The following BRWD3 variants were observed in gnomAD, a reference collection of about 807,000 sequenced individuals.
BRWD3 encodes the protein bromodomain and WD repeat domain containing 3.
BRWD3 carries 10 observed loss-of-function variants against 149.7 expected under a neutral mutation model. The observed-to-expected ratio is 0.07, with a 90% CI of 0.04 to 0.11. BRWD3 has a LOEUF of 0.11. Among genes scored for constraint, BRWD3 ranks in the 10% least tolerant of loss-of-function variants. BRWD3 has a pLI of 1.00. For synonymous variants in BRWD3, 504 were observed against 456.7 expected, an observed-to-expected ratio of 1.10 and a Z score of -1.32; for missense variants, 940 against 1,373.2, an observed-to-expected ratio of 0.68 and a Z score of 4.99.
At chrX:80,715,533 T>C (rs1314917352) in intron 20 of BRWD3, among the ~76,000 whole-genome samples, 1 of 112,133 alleles carries the variant, frequency 8.9e-6, no homozygotes, top group African/African-American at 3.2e-5. Flanking sequence ...TTTCTTTCTA[T>C]AGTACATCAC....
chrX:80,759,002 A>T (rs2073774529), intron 6 of BRWD3, among the ~76,000 whole-genome samples: 2 of 111,415 alleles, frequency 1.8e-5, no homozygotes, highest in Admixed American at 1.9e-4. Context: ...TTCTTCTGGG[A>T]GGTCTCTAGT....
intron 23 of BRWD3, 145 bp downstream of exon 23, chrX:80,704,533 C>T: frequency 1.7e-6 from 1 of 579,794 alleles, no homozygotes; most frequent in Non-Finnish European, 2.6e-6. Flanking sequence ...AAATTCTTTA[C>T]ATTTTGAAGT....
Position 80,809,320 on chromosome X carries a change from G to A in BRWD3, c.32-16C>T, listed in dbSNP as rs779579393. 5 of 1,184,016 alleles carry A rather than the reference G, an allele frequency of 4.2e-6. No homozygotes were observed. The highest frequency in any genetic ancestry group is 2.4e-5 in the Admixed American group (1 of 42,303). On this transcript the variant is annotated splice_polypyrimidine_tract_variant and intron_variant, in intron 1 of 40. Transcript: ENST00000373275. Reference sequence around the variant, plus strand: ...TAATACAGCTCTGGGGAAGAGGGGGGAAAAGAGGTTCAGAGGGAGGTAGAG... The same window carrying A: ...TAATACAGCTCTGGGGAAGAGGGGGAAAAAGAGGTTCAGAGGGAGGTAGAG...
chrX:80,763,112 C>A (rs1335743992), intron 6 of BRWD3, among the ~76,000 whole-genome samples: 1 of 111,319 alleles, frequency 9.0e-6, no homozygotes, highest in Non-Finnish European at 1.9e-5. Context: ...TTTTATATGC[C>A]AGGCACTATT....
In BRWD3 at chrX:80,793,890, G is replaced by C. The variant is rs2074208881; in HGVS notation, c.181-118C>G. 8.6e-6 allele frequency: 7 copies of C among 812,070 alleles called. No individual in the cohort carries two copies. The East Asian group carries it at 2.4e-4, about 28-fold the overall frequency. 66.9% of individuals were successfully genotyped at this position (812,070 alleles called of 1,213,427 possible). ...GAGCAAAGTACAGTTTTAAAATATG[G>C]AATCAGGCCTGGGCGCGATGGCTCA... On this transcript the variant is annotated intron_variant, in intron 4 of 40. Transcript: ENST00000373275.
rs1311120388 is a variant in BRWD3 at position 80,674,759 on chromosome X, A to G, written c.*1850T>C. The G allele has an allele frequency of 4.5e-5, 5 of 111,838 alleles. No homozygotes were observed. The highest frequency in any genetic ancestry group is 9.7e-5 in the African/African-American group (3 of 30,836). The allele number at this position is 111,838 out of a possible 1,213,427, so 9.2% of individuals were successfully genotyped here. On this transcript the variant is annotated 3_prime_UTR_variant, in exon 41 of 41. Transcript: ENST00000373275. ...AAGTTAGTGCCATTAACAATTCACA[A>G]TACTTTCTCTTAAAGCCTGAACATC...
chrX:80,802,772 T>C (rs1489456629), intron 4 of BRWD3, among the ~76,000 whole-genome samples: 1 of 110,543 alleles, frequency 9.0e-6, no homozygotes, highest in African/African-American at 3.3e-5. Flanking sequence ...CCATACTAAA[T>C]ATTAGGGTCT....
chrX:80,772,296 G>C (rs1359699583), intron 6 of BRWD3, among the ~76,000 whole-genome samples: 11 of 111,633 alleles, frequency 9.9e-5, no homozygotes, highest in Non-Finnish European at 1.9e-4. Flanking sequence ...CCATAAAAAA[G>C]TATGAGTTCA....
At chrX:80,804,371 G>C (rs2074330146) in intron 4 of BRWD3, among the ~76,000 whole-genome samples, 1 of 109,898 alleles carries the variant, frequency 9.1e-6, no homozygotes, top group Admixed American at 9.8e-5. Context: ...CTGAGTAGCT[G>C]GAATTACAGG....
intron 6 of BRWD3, 79 bp downstream of exon 6, chrX:80,791,775 T>C (rs1350122836): frequency 1.4e-6 from 1 of 705,691 alleles, no homozygotes; most frequent in East Asian, 3.4e-5. Context: ...TTAATTTTGG[T>C]ACCTATTTTT....
At chrX:80,773,744 C>T (rs2073971491) in intron 6 of BRWD3, among the ~76,000 whole-genome samples, 1 of 111,778 alleles carries the variant, frequency 8.9e-6, no homozygotes, top group South Asian at 3.7e-4. Context: ...TACAATGAAC[C>T]CTTCAAAGTT....
chrX:80,712,265 CAGCCTGCCGA>C (rs1260100407), intron 20 of BRWD3, among the ~76,000 whole-genome samples: 5 of 111,458 alleles, frequency 4.5e-5, no homozygotes, highest in Middle Eastern at 9.3e-3. Context: ...TCTCCTGCCT[CAGCCTGCCGA>C]GTGCCTGTGA....
intron 20 of BRWD3, 73 bp from the exon 21 acceptor site, chrX:80,709,650 A>C (rs1009476255): frequency 3.1e-6 from 3 of 968,148 alleles, no homozygotes; most frequent in Non-Finnish European, 4.3e-6. Flanking sequence ...TATATAAAGC[A>C]AATTAGGTGG....
intron 33 of BRWD3, among the ~76,000 whole-genome samples, chrX:80,689,511 A>T (rs978209224): frequency 3.6e-5 from 4 of 111,715 alleles, no homozygotes; most frequent in African/African-American, 1.3e-4. Context: ...AATGTTGGAA[A>T]ATAAAGTGTT....
At chrX:80,734,513 T>A (rs1307109885) in intron 10 of BRWD3, among the ~76,000 whole-genome samples, 2 of 111,583 alleles carry the variant, frequency 1.8e-5, no homozygotes, top group African/African-American at 6.5e-5. Context: ...CCAAAATTAT[T>A]TATAAGACAA....
At position 80,676,351 on chromosome X, in the gene BRWD3, G is replaced by A. The variant is rs1375996271; in HGVS notation, c.*258C>T. On this transcript the variant is annotated 3_prime_UTR_variant, in exon 41 of 41. Transcript: ENST00000373275. ...GTGTTTCGTGTGTGTGTGTCTGTGT[G>A]TGTGTATGTGTGTGTATGTGTTTGT... 16 of 384,660 alleles carry A rather than the reference G, an allele frequency of 4.2e-5. No individual in the cohort carries two copies. The South Asian group carries it at 6.2e-4, about 15-fold the overall frequency. 31.7% of individuals were successfully genotyped at this position (384,660 alleles called of 1,213,427 possible).
chrX:80,779,833 A>C (rs1482024429), intron 6 of BRWD3, among the ~76,000 whole-genome samples: 2 of 111,929 alleles, frequency 1.8e-5, no homozygotes, highest in Non-Finnish European at 3.8e-5. Flanking sequence ...AAAAGTATAC[A>C]GTCTCCAAAG....
chrX:80,803,143 C>T (rs984385013), intron 4 of BRWD3, among the ~76,000 whole-genome samples: 2 of 107,397 alleles, frequency 1.9e-5, no homozygotes, highest in Non-Finnish European at 3.8e-5. Context: ...CAAGCAAGGG[C>T]ATCTCTAAAT....
At chrX:80,692,847 A>G in intron 28 of BRWD3, 93 bp downstream of exon 28, 1 of 688,563 alleles carries the variant, frequency 1.5e-6, no homozygotes, top group East Asian at 3.2e-5. Context: ...TAGATAAGTC[A>G]GATAAAAGGG....
Sources: allele counts gnomAD v4.1 joint callset (sites outside exome capture counted in the v4.1 genomes callset), GRCh38; gene constraint gnomAD v4.1.1; transcripts MANE v1.5; gene names NCBI Gene and HGNC (gene_info 2026-07-23, HGNC 2026-07-21).